The following UBE2D2 variants were observed in gnomAD, a reference collection of about 807,000 sequenced individuals.
UBE2D2 encodes the protein ubiquitin conjugating enzyme E2 D2, also known as ubiquitin-conjugating enzyme E2 D2.
A neutral mutation model predicts 24.2 loss-of-function variants in UBE2D2; 2 were observed. The observed-to-expected ratio is 0.08, with a 90% CI of 0.03 to 0.26. UBE2D2 has a LOEUF of 0.26. Among genes scored for constraint, UBE2D2 ranks in the 10% least tolerant of loss-of-function variants. UBE2D2 has a pLI of 1.00. For synonymous variants in UBE2D2, 58 were observed against 56.5 expected, an observed-to-expected ratio of 1.03 and a Z score of -0.12; for missense variants, 44 against 177.6, an observed-to-expected ratio of 0.25 and a Z score of 4.28.
At position 139,539,740 on chromosome 5, in the gene UBE2D2, CG is replaced by C. The variant is rs796127507; in HGVS notation, c.-64+13129del. Among the ~76,000 whole-genome samples, 40 of 151,490 alleles carry C rather than the reference CG, an allele frequency of 2.6e-4. 1 individual carries two copies. The highest frequency in any genetic ancestry group is 9.2e-4 in the African/African-American group (38 of 41,232). On this transcript the variant is annotated intron_variant, in intron 1 of 6. Transcript: ENST00000511725. ...CCAAGTAGCTGGAACTACAAGTGCC[CG>C]CCACCATGCCTGGCTAATTTTTGTA...
At chr5:139,607,661 A>G (rs1581526051) in intron 2 of UBE2D2, among the ~76,000 whole-genome samples, 2 of 152,228 alleles carry the variant, frequency 1.3e-5, no homozygotes, top group Non-Finnish European at 2.9e-5. Context: ...TTAAATAGAT[A>G]TGGATTACAG....
At chr5:139,625,208 C>A (rs1272268351) in intron 6 of UBE2D2, among the ~76,000 whole-genome samples, 1 of 151,548 alleles carries the variant, frequency 6.6e-6, no homozygotes, top group Non-Finnish European at 1.5e-5. Flanking sequence ...CTAGTACATG[C>A]CACTACACCT....
chr5:139,558,619 A>C (rs946050779), upstream of UBE2D2, among the ~76,000 whole-genome samples: 2 of 152,174 alleles, frequency 1.3e-5, no homozygotes, highest in Non-Finnish European at 2.9e-5. Context: ...GTAGATTACC[A>C]AACAGTATTA....
chr5:139,611,178 T>A (rs1263414511), intron 2 of UBE2D2, among the ~76,000 whole-genome samples: 1 of 108,178 alleles, frequency 9.2e-6, no homozygotes, highest in African/African-American at 3.8e-5. Context: ...TTTCCTTCTT[T>A]TTTTTTTTTT....
intron 2 of UBE2D2, among the ~76,000 whole-genome samples, chr5:139,603,937 G>A (rs1019011968): frequency 6.6e-6 from 1 of 151,830 alleles, no homozygotes; most frequent in African/African-American, 2.4e-5. Flanking sequence ...CAACAAGACT[G>A]AAACTCCGTC....
At chr5:139,533,449 C>G (rs1752623874) in intron 1 of UBE2D2, among the ~76,000 whole-genome samples, 1 of 151,792 alleles carries the variant, frequency 6.6e-6, no homozygotes, top group African/African-American at 2.4e-5. Flanking sequence ...GTCAGGAGTT[C>G]AAGACCAGCC....
chr5:139,526,287 A>G (rs1752535945), upstream of UBE2D2: 1 of 152,222 alleles, frequency 6.6e-6, no homozygotes. Flanking sequence ...CAGCTGAATA[A>G]AGCCCTTCCT....
intron 1 of UBE2D2, among the ~76,000 whole-genome samples, chr5:139,535,726 A>G (rs1244443191): frequency 6.6e-6 from 1 of 152,238 alleles, no homozygotes; most frequent in Non-Finnish European, 1.5e-5. Context: ...ATGTATTGAC[A>G]CAAAAGATAT....
chr5:139,623,556 T>C (rs2126709982), intron 6 of UBE2D2, 95 bp downstream of exon 6: 1 of 997,624 alleles, frequency 1.0e-6, no homozygotes, highest in East Asian at 2.5e-5. Flanking sequence ...CGGCCAGATA[T>C]TTAAAGTGAA....
chr5:139,602,325 T>TTGGGG (rs1754096215), intron 2 of UBE2D2, among the ~76,000 whole-genome samples: 1 of 152,246 alleles, frequency 6.6e-6, no homozygotes, highest in Non-Finnish European at 1.5e-5. Flanking sequence ...GTTCTGGAAT[T>TTGGGG]ACAGGCGTGA....
At chr5:139,565,274 A>G (rs1753192884) in intron 1 of UBE2D2, among the ~76,000 whole-genome samples, 1 of 152,250 alleles carries the variant, frequency 6.6e-6, no homozygotes, top group African/African-American at 2.4e-5. Flanking sequence ...TTGAAATGCC[A>G]TGTCTTTTTT....
At chr5:139,555,690 G>A (rs991185791) in intron 1 of UBE2D2, among the ~76,000 whole-genome samples, 4 of 151,988 alleles carry the variant, frequency 2.6e-5, no homozygotes, top group African/African-American at 9.7e-5. Flanking sequence ...ACTTTGGGAG[G>A]CCGAGGTGGG....
intron 1 of UBE2D2, among the ~76,000 whole-genome samples, chr5:139,581,274 C>G (rs1753597048): frequency 6.6e-6 from 1 of 151,972 alleles, no homozygotes; most frequent in South Asian, 2.1e-4. Flanking sequence ...TGGTGAAACC[C>G]CATCTCTACT....
At chr5:139,535,478 A>C (rs376090344) in intron 1 of UBE2D2, among the ~76,000 whole-genome samples, 59 of 151,220 alleles carry the variant, frequency 3.9e-4, no homozygotes, top group African/African-American at 1.4e-3. Context: ...AAAAAACAAA[A>C]ATCAGCCGGA....
chr5:139,556,835 C>CTTT (rs563152839), upstream of UBE2D2, among the ~76,000 whole-genome samples: 1 of 144,208 alleles, frequency 6.9e-6, no homozygotes, highest in Non-Finnish European at 1.5e-5. Context: ...TAGTTCCATA[C>CTTT]TTTTTTTTTT....
At chr5:139,540,560 A>AAAAGAATAAT (rs1184523955) in intron 1 of UBE2D2, among the ~76,000 whole-genome samples, 6 of 151,510 alleles carry the variant, frequency 4.0e-5, no homozygotes, top group Non-Finnish European at 5.9e-5. Context: ...AAAAAAAAAA[A>AAAAGAATAAT]AAGAATAATA....
Position 139,611,175 on chromosome 5 carries a change from C to CT in UBE2D2, c.89-3383dup, listed in dbSNP as rs60626896. On this transcript the variant is annotated intron_variant, in intron 2 of 6. Coordinates refer to ENST00000398733, the MANE Select transcript of UBE2D2 (RefSeq NM_003339.3). ...TAGTTCTAGATGACAAGTTTTCCTTCTTTTTTTTTTTTTTTTTTTTTTTTT... is the reference window on the plus strand; with the variant it reads ...TAGTTCTAGATGACAAGTTTTCCTTCTTTTTTTTTTTTTTTTTTTTTTTTTT... Among the ~76,000 whole-genome samples, 178 of 58,792 alleles carry CT rather than the reference C, an allele frequency of 3.0e-3. 9 individuals are homozygous for CT. Among genetic ancestry groups the CT allele is most frequent in the Middle Eastern group, 0.014 (1 of 74 alleles). The allele number at this position is 58,792 out of a possible 152,430, so 38.6% of individuals were successfully genotyped here.
chr5:139,530,800 T>G (rs1412223217), intron 1 of UBE2D2, among the ~76,000 whole-genome samples: 1 of 152,176 alleles, frequency 6.6e-6, no homozygotes, highest in African/African-American at 2.4e-5. Flanking sequence ...TGGCATGGAC[T>G]CAGTCCGGGA....
At chr5:139,549,837 G>A (rs1752885700) in intron 1 of UBE2D2, among the ~76,000 whole-genome samples, 1 of 152,222 alleles carries the variant, frequency 6.6e-6, no homozygotes, top group African/African-American at 2.4e-5. Context: ...GAACTTTTAT[G>A]TCTAGCTGGA....
Sources: allele counts gnomAD v4.1 joint callset (sites outside exome capture counted in the v4.1 genomes callset), GRCh38; gene constraint gnomAD v4.1.1; transcripts MANE v1.5; gene names NCBI Gene and HGNC (gene_info 2026-07-23, HGNC 2026-07-21).